TXNDC11: variants seen among roughly 807,000 people sequenced by gnomAD.
The protein encoded by TXNDC11 is thioredoxin domain-containing protein 11.
Under a neutral mutation model 78.0 loss-of-function variants are expected in TXNDC11, and 68 were observed. That is an observed-to-expected ratio of 0.87 (90% CI 0.72 to 1.07). The LOEUF is 1.07. Among genes scored for constraint, TXNDC11 ranks in the 50% least tolerant of loss-of-function variants. TXNDC11 has a pLI of 0.00. For missense variants in TXNDC11, 1,389 were observed against 1,221.8 expected (o/e 1.14, Z -2.04); for synonymous variants, 571 against 495.2 (o/e 1.15, Z -2.03).
intron 4 of TXNDC11, among the ~76,000 whole-genome samples, chr16:11,726,268 A>G (rs1180857666): frequency 1.3e-5 from 2 of 152,068 alleles, no homozygotes; most frequent in Non-Finnish European, 2.9e-5. Flanking sequence ...GCCAAATAAA[A>G]TATTTTCCAT....
chr16:11,686,113 C>G (rs1815434159), intron 10 of TXNDC11, among the ~76,000 whole-genome samples: 1 of 152,160 alleles, frequency 6.6e-6, no homozygotes, highest in South Asian at 2.1e-4. Context: ...CACGTGCCGC[C>G]ACACTTGGCT....
At chr16:11,714,697 T>C (rs2051476186) in intron 5 of TXNDC11, among the ~76,000 whole-genome samples, 1 of 152,038 alleles carries the variant, frequency 6.6e-6, no homozygotes, top group Non-Finnish European at 1.5e-5. Context: ...CTTTCTTCGC[T>C]TGGAGGAGGG....
At chr16:11,688,671 A>G (rs13336780) in intron 8 of TXNDC11, 7,664 of 418,544 alleles carry the variant, frequency 0.018, 524 homozygotes, top group African/African-American at 0.14. Context: ...ACACTATGCA[A>G]TGTTAGATGC....
At chr16:11,703,721 G>C in intron 5 of TXNDC11, 1 of 702,000 alleles carries the variant, frequency 1.4e-6, no homozygotes, top group Non-Finnish European at 2.6e-6. Context: ...AAAGAAACCA[G>C]GGCCCTTGGA....
chr16:11,680,491 A>G (rs2141953161), intron 11 of TXNDC11, among the ~76,000 whole-genome samples: 1 of 152,296 alleles, frequency 6.6e-6, no homozygotes. Context: ...AAGGAAGGTG[A>G]CATAGAAAGG....
At chr16:11,698,102 G>A (rs754255585) in intron 7 of TXNDC11, 23 bp downstream of exon 7, 8 of 1,611,276 alleles carry the variant, frequency 5.0e-6, no homozygotes, top group East Asian at 4.5e-5. Flanking sequence ...CTCATGAGGT[G>A]CTTTTCACAT....
Position 11,691,749 on chromosome 16 carries a change from T to A in TXNDC11, c.1441A>T (p.Thr481Ser). ...CTGTCTGATGCCACATGATAAAAGG[T>A]CTGCTCCTTGAGGTAGAAAGAATCC... is the stretch of plus-strand genomic sequence containing the variant. ...ALDSFYLKEQ[T>S]FYHVASDSIE... The change falls in exon 8 of 12, where the codon ACC (threonine) becomes TCC (serine). Residue 481 changes from threonine to serine, a missense_variant. Thr to Ser is a moderately conservative substitution (Grantham distance 58). Coordinates refer to ENST00000283033, the MANE Select transcript of TXNDC11 (RefSeq NM_015914.7). 1 of 1,614,184 alleles carries A rather than the reference T, an allele frequency of 6.2e-7. No individual in the cohort carries two copies. The highest frequency in any genetic ancestry group is 8.5e-7 in the Non-Finnish European group (1 of 1,180,036).
chr16:11,693,457 CTGTG>C (rs146263426), intron 7 of TXNDC11, among the ~76,000 whole-genome samples: 1 of 150,946 alleles, frequency 6.6e-6, no homozygotes, highest in Non-Finnish European at 1.5e-5. Context: ...TTTTGTTTCG[CTGTG>C]TGTGTGTGTG....
At position 11,679,556 on chromosome 16, in the gene TXNDC11, C is replaced by G. The variant is rs747981331; in HGVS notation, c.2516G>C (p.Arg839Pro). ...SSARRDEHRL[R>P]QQQRALEEQH... ...CTCTTCCAGGGCCCGCTGCTGCTGC[C>G]GCAGCCGGTGCTCATCTCTGCGGGC... Residue 839 changes from arginine (R) to proline (P), a missense_variant, in exon 12 of 12, where the codon CGG (arginine) becomes CCG (proline). Coordinates refer to ENST00000283033, the MANE Select transcript of TXNDC11 (RefSeq NM_015914.7). This position sits in a 1 kb window ranked among gnomAD's most constrained non-coding sequence, Gnocchi z 4.6. 3 of 1,613,600 alleles carry G rather than the reference C, an allele frequency of 1.9e-6. No homozygotes were observed. Among genetic ancestry groups the G allele is most frequent in the African/African-American group, 2.7e-5 (2 of 74,920 alleles).
At chr16:11,703,728 TGGA>T (rs2141040466) in intron 5 of TXNDC11, 1 of 700,522 alleles carries the variant, frequency 1.4e-6, no homozygotes, top group East Asian at 2.7e-5. Context: ...CCAGGGCCCT[TGGA>T]GAAGAGGTTG....
intron 2 of TXNDC11, among the ~76,000 whole-genome samples, chr16:11,734,472 C>T (rs942001940): frequency 1.3e-5 from 2 of 152,178 alleles, no homozygotes; most frequent in Non-Finnish European, 2.9e-5. Flanking sequence ...CCCACCACTA[C>T]GTGATGGTAA....
chr16:11,703,770 A>T (rs2051101218), intron 5 of TXNDC11: 1 of 700,460 alleles, frequency 1.4e-6, no homozygotes, highest in East Asian at 2.7e-5. Context: ...AGAAAGTACA[A>T]GATAAGCCTG....
intron 3 of TXNDC11, among the ~76,000 whole-genome samples, chr16:11,731,113 C>T (rs918568858): frequency 6.6e-6 from 1 of 152,100 alleles, no homozygotes; most frequent in Admixed American, 6.6e-5. Context: ...GAGAGACAAC[C>T]CTGGAAATTG....
chr16:11,713,181 G>A (rs973397148), intron 5 of TXNDC11, among the ~76,000 whole-genome samples: 2 of 151,316 alleles, frequency 1.3e-5, no homozygotes, highest in Non-Finnish European at 1.5e-5. Context: ...CAGCTCCTTG[G>A]GGGGCTGAGG....
At chr16:11,733,474 C>T (rs1443931838) in intron 3 of TXNDC11, among the ~76,000 whole-genome samples, 1 of 151,290 alleles carries the variant, frequency 6.6e-6, no homozygotes, top group Non-Finnish European at 1.5e-5. Context: ...TTGCAGTGAG[C>T]GGAGATCGCG....
At chr16:11,727,662 G>A (rs1396819802) in intron 4 of TXNDC11, among the ~76,000 whole-genome samples, 21 of 83,924 alleles carry the variant, frequency 2.5e-4, no homozygotes, top group Non-Finnish European at 4.6e-4. Flanking sequence ...ATTTCCACCC[G>A]CCCCCCCCAC....
At chr16:11,688,117 C>T (rs2050614477) in intron 9 of TXNDC11, 151 bp from the exon 10 acceptor site, 1 of 903,700 alleles carries the variant, frequency 1.1e-6, no homozygotes, top group Non-Finnish European at 1.7e-6. Flanking sequence ...CTTTCCAATA[C>T]TGTGCTTTCT....
At position 11,679,184 on chromosome 16, in the gene TXNDC11, C is replaced by T; in HGVS notation, c.*11G>A. The T allele has an allele frequency of 1.2e-6, 2 of 1,610,386 alleles. No individual in the cohort carries two copies. The highest frequency in any genetic ancestry group is 1.7e-6 in the Non-Finnish European group (2 of 1,179,192). ...ATTTTCACCTCTGATTTCTTCATAT[C>T]ATTTAAAAAGTTAGTCTGTCCTGTT... On this transcript the variant is annotated 3_prime_UTR_variant, in exon 12 of 12. Coordinates refer to ENST00000283033, the MANE Select transcript of TXNDC11 (RefSeq NM_015914.7). This position sits in a 1 kb window ranked among gnomAD's most constrained non-coding sequence, Gnocchi z 4.6.
intron 5 of TXNDC11, among the ~76,000 whole-genome samples, chr16:11,713,382 G>A (rs1436296564): frequency 3.3e-5 from 5 of 151,938 alleles, no homozygotes; most frequent in African/African-American, 1.2e-4. Context: ...GAATTAAACA[G>A]TCAGTTTTAG....
Sources: allele counts gnomAD v4.1 joint callset (sites outside exome capture counted in the v4.1 genomes callset), GRCh38; gene constraint gnomAD v4.1.1; non-coding constraint Gnocchi (gnomAD v3.1); transcripts MANE v1.5; gene names NCBI Gene and HGNC (gene_info 2026-07-23, HGNC 2026-07-21).